The following ELMOD1 variants were observed in gnomAD, a reference collection of about 807,000 sequenced individuals.
ELMOD1 encodes ELMO domain-containing protein 1.
ELMOD1 carries 21 observed loss-of-function variants against 46.7 expected under a neutral mutation model. That is an observed-to-expected ratio of 0.45 (90% CI 0.32 to 0.65). ELMOD1 has a LOEUF of 0.65. Among genes scored for constraint, ELMOD1 ranks in the 30% least tolerant of loss-of-function variants. The pLI, the probability that ELMOD1 is intolerant of heterozygous loss-of-function variation, is 0.04. For synonymous variants in ELMOD1, 122 were observed against 138.2 expected (o/e 0.88, Z 0.82); for missense variants, 348 against 407.8 (o/e 0.85, Z 1.26).
intron 1 of ELMOD1, chr11:107,600,316 T>C (rs895313268): frequency 1.3e-5 from 2 of 152,204 alleles, no homozygotes; most frequent in African/African-American, 2.4e-5. Context: ...ATAAATTTTT[T>C]TAATTTAAGT....
At chr11:107,644,916 T>G (rs1200862722) in intron 6 of ELMOD1, among the ~76,000 whole-genome samples, 2 of 118,302 alleles carry the variant, frequency 1.7e-5, no homozygotes, top group Admixed American at 7.9e-5. Context: ...GGGTTTTTGT[T>G]TTTGTTTTTG....
intron 1 of ELMOD1, among the ~76,000 whole-genome samples, chr11:107,612,198 C>A (rs1865792166): frequency 6.6e-6 from 1 of 152,130 alleles, no homozygotes; most frequent in African/African-American, 2.4e-5. Flanking sequence ...GGAATAAAAT[C>A]ATGTCCTTTG....
chr11:107,629,462 C>T (rs761181995), intron 2 of ELMOD1, among the ~76,000 whole-genome samples: 1 of 152,096 alleles, frequency 6.6e-6, no homozygotes, highest in Non-Finnish European at 1.5e-5. Flanking sequence ...TATAAGTTCC[C>T]GGATAATAAG....
intron 2 of ELMOD1, among the ~76,000 whole-genome samples, chr11:107,624,596 A>G (rs1178752632): frequency 6.6e-6 from 1 of 152,230 alleles, no homozygotes; most frequent in Non-Finnish European, 1.5e-5. Flanking sequence ...AGGCTGCTTC[A>G]GCCTAGGCAA....
At chr11:107,659,351 A>C (rs1350948994) in intron 11 of ELMOD1, among the ~76,000 whole-genome samples, 1 of 152,064 alleles carries the variant, frequency 6.6e-6, no homozygotes, top group Non-Finnish European at 1.5e-5. Context: ...GAGTGAGTTT[A>C]GTTTTAGGCA....
At chr11:107,630,608 T>C in intron 3 of ELMOD1, 46 bp downstream of exon 3, 2 of 1,605,000 alleles carry the variant, frequency 1.2e-6, no homozygotes, top group South Asian at 1.1e-5. Context: ...GTTGGTATGA[T>C]GGAAGATACG....
At chr11:107,595,621 A>G (rs1865479888) in intron 1 of ELMOD1, among the ~76,000 whole-genome samples, 1 of 152,172 alleles carries the variant, frequency 6.6e-6, no homozygotes, top group Admixed American at 6.5e-5. Flanking sequence ...CCCAATTTAC[A>G]TTTTATATTC....
intron 2 of ELMOD1, among the ~76,000 whole-genome samples, chr11:107,628,912 T>C (rs1312005359): frequency 6.6e-6 from 1 of 152,164 alleles, no homozygotes; most frequent in East Asian, 1.9e-4. Context: ...TATTAAAATT[T>C]TTGTTTTATT....
intron 6 of ELMOD1, among the ~76,000 whole-genome samples, chr11:107,638,139 T>TCA (rs1217694845): frequency 6.6e-6 from 1 of 152,136 alleles, no homozygotes. Context: ...TTCCCTCTGT[T>TCA]ACCCATTATT....
At chr11:107,606,785 C>T (rs750525676) in intron 1 of ELMOD1, among the ~76,000 whole-genome samples, 8 of 152,038 alleles carry the variant, frequency 5.3e-5, no homozygotes, top group African/African-American at 9.7e-5. Context: ...CACCGCTGCA[C>T]TCCAGCCTGG....
chr11:107,630,747 C>T lies in ELMOD1; in HGVS notation c.192+19C>T, dbSNP rs779637815. 1.3e-6 allele frequency: 2 copies of T among 1,588,452 alleles called. No individual in the cohort carries two copies. Among genetic ancestry groups the T allele is most frequent in the Middle Eastern group, 2.2e-4 (1 of 4,596 alleles). On this transcript the variant is annotated intron_variant, in intron 4 of 11. Coordinates refer to ENST00000265840, the MANE Select transcript of ELMOD1 (RefSeq NM_018712.4). ...AAGTAAGGTAAGTAAAATTATTTTT[C>T]AGCAGCTTTTTTTTCACTTGGAAGC... is the stretch of plus-strand genomic sequence containing the variant.
chr11:107,591,265 C>A lies in ELMOD1; in HGVS notation c.-230C>A, dbSNP rs1320006910. The stretch of plus-strand genomic sequence containing the variant: ...CCCGCAGCCAGTGCGGCAGCCGCGG[C>A]CGCCCCTGTCCAGCCTCGGCGCCCG... On this transcript the variant is annotated 5_prime_UTR_variant, in exon 1 of 12. Coordinates refer to ENST00000265840, the MANE Select transcript of ELMOD1 (RefSeq NM_018712.4). The A allele has an allele frequency of 6.6e-6, 1 of 152,254 alleles. No homozygotes were observed. The highest frequency in any genetic ancestry group is 1.5e-5 in the Non-Finnish European group (1 of 68,186). 9.4% of individuals were successfully genotyped at this position (152,254 alleles called of 1,614,324 possible).
At chr11:107,634,745 C>T (rs751038708) in intron 5 of ELMOD1, among the ~76,000 whole-genome samples, 12 of 151,702 alleles carry the variant, frequency 7.9e-5, no homozygotes, top group Non-Finnish European at 1.6e-4. Flanking sequence ...TGTCTCAAAA[C>T]ATAAAAAATA....
chr11:107,644,132 TA>T (rs1565385311), intron 6 of ELMOD1, among the ~76,000 whole-genome samples: 1 of 151,170 alleles, frequency 6.6e-6, no homozygotes, highest in Admixed American at 6.6e-5. Flanking sequence ...TAAAATAAAA[TA>T]AAAAATACGA....
chr11:107,628,129 A>G (rs914117350), intron 2 of ELMOD1, among the ~76,000 whole-genome samples: 1 of 152,020 alleles, frequency 6.6e-6, no homozygotes, highest in African/African-American at 2.4e-5. Flanking sequence ...TAGAAAATGA[A>G]AAACATTTTC....
In ELMOD1 at chr11:107,651,049, A is replaced by G. The variant is rs549857729; in HGVS notation, c.647+141A>G. 380 of 468,584 alleles carry G rather than the reference A, an allele frequency of 8.1e-4. 2 individuals carry two copies. The highest frequency in any genetic ancestry group is 7.5e-3 in the South Asian group (188 of 25,036). The allele number at this position is 468,584 out of a possible 1,614,324, so 29.0% of individuals were successfully genotyped here. A position where few individuals can be genotyped will look rare whatever the true frequency, so the allele number is the denominator to read the frequency against. On this transcript the variant is annotated intron_variant, in intron 9 of 11. Transcript: ENST00000265840. ...AACCTTTAATCTAATATAGTTAATT[A>G]TAGCTGGGCTATGTTTTAACAAACT... is the stretch of plus-strand genomic sequence containing the variant.
In ELMOD1 at chr11:107,591,427, A is replaced by T. The variant is rs1865387795; in HGVS notation, c.-86+18A>T. On this transcript the variant is annotated intron_variant, in intron 1 of 11. Transcript: ENST00000265840. ...GAGTCCAGGTGATTGGCGACCCCAGAGGAGCCTAGGGAGTAGGGGCGAATG... is the reference window on the plus strand; with the variant it reads ...GAGTCCAGGTGATTGGCGACCCCAGTGGAGCCTAGGGAGTAGGGGCGAATG... 6.5e-6 allele frequency: 1 copy of T among 153,984 alleles called. No individual in the cohort carries two copies. Among genetic ancestry groups the T allele is most frequent in the Non-Finnish European group, 1.4e-5 (1 of 69,284 alleles). The allele number at this position is 153,984 out of a possible 1,614,324, so 9.5% of individuals were successfully genotyped here. A position where few individuals can be genotyped will look rare whatever the true frequency, so the allele number is the denominator to read the frequency against.
chr11:107,619,086 C>A (rs760580097), intron 2 of ELMOD1, among the ~76,000 whole-genome samples: 3 of 152,130 alleles, frequency 2.0e-5, no homozygotes, highest in Non-Finnish European at 4.4e-5. Context: ...TTGATTCCTA[C>A]AATGGCCATA....
At position 107,665,330 on chromosome 11, in the gene ELMOD1, CT is replaced by C; in HGVS notation, c.*134del. 1 of 918,022 alleles carries C rather than the reference CT, an allele frequency of 1.1e-6. No homozygotes were observed. The highest frequency in any genetic ancestry group is 1.7e-5 in the South Asian group (1 of 58,888). The allele number at this position is 918,022 out of a possible 1,614,324, so 56.9% of individuals were successfully genotyped here. On this transcript the variant is annotated 3_prime_UTR_variant, in exon 12 of 12. Transcript: ENST00000265840. ...ATGCCTTTTGGTACAGTGTTTTCAT[CT>C]CTTGGTCATAATTCCGAGATCCCCA...
Sources: allele counts gnomAD v4.1 joint callset (sites outside exome capture counted in the v4.1 genomes callset), GRCh38; gene constraint gnomAD v4.1.1; transcripts MANE v1.5; gene names NCBI Gene and HGNC (gene_info 2026-07-23, HGNC 2026-07-21).